Variants in NOL4 observed in about 807,000 individuals in gnomAD.
The protein encoded by NOL4 is nucleolar protein 4, also known as cancer/testis antigen 125.
A neutral mutation model predicts 75.9 loss-of-function variants in NOL4; 17 were observed. The ratio of observed to expected loss-of-function variants is 0.22; its 90% CI spans 0.15 to 0.34. The LOEUF (loss-of-function observed/expected upper bound fraction) is 0.34, where lower values mean the gene tolerates loss of function less well. NOL4 is among the 10% of genes least tolerant of loss of function. NOL4 has a pLI of 1.00. For missense variants in NOL4, 614 were observed against 793.5 expected (o/e 0.77, Z 2.72); for synonymous variants, 292 against 289.9 (o/e 1.01, Z -0.07).
At chr18:34,191,222 A>G (rs749547573) in intron 1 of NOL4, among the ~76,000 whole-genome samples, 2 of 152,248 alleles carry the variant, frequency 1.3e-5, no homozygotes, top group African/African-American at 2.4e-5. Flanking sequence ...AGAATATATT[A>G]TCGGTTGAAA....
intron 6 of NOL4, among the ~76,000 whole-genome samples, chr18:33,973,046 T>C (rs148867146): frequency 6.0e-4 from 92 of 152,350 alleles, no homozygotes; most frequent in African/African-American, 2.1e-3. Flanking sequence ...GGTTGTTTGA[T>C]AGCATTTTAC....
At chr18:33,861,670 T>C (rs1263134820) in intron 10 of NOL4, among the ~76,000 whole-genome samples, 1 of 152,162 alleles carries the variant, frequency 6.6e-6, no homozygotes, top group African/African-American at 2.4e-5. Flanking sequence ...CCATTCACAA[T>C]TGCTTCAAAG....
At chr18:34,009,029 C>T (rs912397592) in intron 6 of NOL4, among the ~76,000 whole-genome samples, 2 of 151,946 alleles carry the variant, frequency 1.3e-5, no homozygotes, top group African/African-American at 2.4e-5. Flanking sequence ...TGCCCTCATT[C>T]CTCATGGATC....
chr18:34,109,554 A>C (rs2079482613), intron 2 of NOL4, among the ~76,000 whole-genome samples: 1 of 151,968 alleles, frequency 6.6e-6, no homozygotes, highest in African/African-American at 2.4e-5. Context: ...TAATGAATTA[A>C]TTTTTAAAAG....
At chr18:33,950,645 G>C (rs1181336126) in intron 8 of NOL4, among the ~76,000 whole-genome samples, 3 of 152,048 alleles carry the variant, frequency 2.0e-5, no homozygotes, top group Non-Finnish European at 4.4e-5. Context: ...CCCATATATG[G>C]ATAACAGCAA....
chr18:34,051,787 A>AGT (rs935781421), intron 5 of NOL4, among the ~76,000 whole-genome samples: 3 of 151,714 alleles, frequency 2.0e-5, no homozygotes, highest in African/African-American at 4.8e-5. Context: ...TGTGTGAGAG[A>AGT]GTGTGTGTGT....
At chr18:34,114,944 T>C (rs1159792021) in intron 2 of NOL4, among the ~76,000 whole-genome samples, 1 of 152,134 alleles carries the variant, frequency 6.6e-6, no homozygotes, top group African/African-American at 2.4e-5. Flanking sequence ...TGTTAAACTA[T>C]CTTCAACTTG....
intron 6 of NOL4, among the ~76,000 whole-genome samples, chr18:33,994,390 G>A (rs889491086): frequency 6.6e-6 from 1 of 151,834 alleles, no homozygotes; most frequent in Non-Finnish European, 1.5e-5. Flanking sequence ...TCATTCTGCA[G>A]GTTAGACAAT....
At chr18:34,088,581 T>A (rs1040926514) in intron 5 of NOL4, among the ~76,000 whole-genome samples, 7 of 152,096 alleles carry the variant, frequency 4.6e-5, no homozygotes, top group African/African-American at 1.7e-4. Context: ...ATAGCAAAAC[T>A]TCCTTCATAA....
chr18:34,120,564 A>T (rs975851664), intron 2 of NOL4, among the ~76,000 whole-genome samples: 5 of 152,222 alleles, frequency 3.3e-5, no homozygotes, highest in Non-Finnish European at 7.3e-5. Context: ...AAGTAGGCAA[A>T]TCTGAAGAAG....
intron 9 of NOL4, among the ~76,000 whole-genome samples, chr18:33,927,883 C>A (rs74557606): frequency 6.6e-6 from 1 of 152,054 alleles, no homozygotes; most frequent in Non-Finnish European, 1.5e-5. Context: ...ACATGTCACA[C>A]ATGACACACC....
intron 2 of NOL4, among the ~76,000 whole-genome samples, chr18:34,117,485 A>G (rs770352752): frequency 6.6e-6 from 1 of 152,224 alleles, no homozygotes; most frequent in Admixed American, 6.5e-5. Flanking sequence ...TAAGTGTAAA[A>G]TGCTCTAACT....
At chr18:34,051,995 A>G (rs1335822244) in intron 5 of NOL4, among the ~76,000 whole-genome samples, 3 of 151,986 alleles carry the variant, frequency 2.0e-5, no homozygotes, top group Admixed American at 6.6e-5. Context: ...AGAGTGGCCA[A>G]CTCTCTCCTA....
intron 9 of NOL4, among the ~76,000 whole-genome samples, chr18:33,931,094 T>A (rs1270042484): frequency 6.6e-6 from 1 of 152,074 alleles, no homozygotes; most frequent in Non-Finnish European, 1.5e-5. Context: ...GGAGGAAAAA[T>A]TTATTTGACA....
chr18:34,045,709 C>T (rs2076333829), intron 5 of NOL4, among the ~76,000 whole-genome samples: 1 of 152,048 alleles, frequency 6.6e-6, no homozygotes, highest in Non-Finnish European at 1.5e-5. Flanking sequence ...CAGCATAAAT[C>T]CCAAAATTTA....
At chr18:33,935,952 T>C (rs932808699) in intron 9 of NOL4, among the ~76,000 whole-genome samples, 5 of 152,092 alleles carry the variant, frequency 3.3e-5, no homozygotes, top group African/African-American at 7.2e-5. Context: ...TGGCAGGCCA[T>C]AGAAATAAGT....
intron 1 of NOL4, among the ~76,000 whole-genome samples, chr18:34,149,216 A>C (rs1424776782): frequency 6.6e-6 from 1 of 151,674 alleles, no homozygotes; most frequent in African/African-American, 2.4e-5. Context: ...GCTAATATTC[A>C]TAGTGATTTT....
At chr18:33,939,473 T>G (rs559615026) in intron 9 of NOL4, among the ~76,000 whole-genome samples, 1 of 152,278 alleles carries the variant, frequency 6.6e-6, no homozygotes, top group African/African-American at 2.4e-5. Context: ...ATAGTTCTCC[T>G]TGAAGAGGTC....
At chr18:34,138,112 G>GT (rs1363336412) in intron 1 of NOL4, among the ~76,000 whole-genome samples, 1 of 152,110 alleles carries the variant, frequency 6.6e-6, no homozygotes, top group Non-Finnish European at 1.5e-5. Flanking sequence ...ATAGGCAAAT[G>GT]TATATAGATA....
Sources: allele counts gnomAD v4.1 joint callset (sites outside exome capture counted in the v4.1 genomes callset), GRCh38; gene constraint gnomAD v4.1.1; transcripts MANE v1.5; gene names NCBI Gene and HGNC (gene_info 2026-07-23, HGNC 2026-07-21).